Variants in FMNL2 observed in about 807,000 individuals in gnomAD.
The protein encoded by FMNL2 is formin-like protein 2.
Under a neutral mutation model 130.2 loss-of-function variants are expected in FMNL2, and 51 were observed. That is an observed-to-expected ratio of 0.39 (90% CI 0.31 to 0.49). The LOEUF is 0.49. Among genes scored for constraint, FMNL2 ranks in the 20% least tolerant of loss-of-function variants. The pLI, the probability that FMNL2 is intolerant of heterozygous loss-of-function variation, is 0.85. For missense variants in FMNL2, 977 were observed against 1,316.2 expected (o/e 0.74, Z 3.99); for synonymous variants, 465 against 467.1 (o/e 1.00, Z 0.06).
At chr2:152,634,926 C>T (rs2346533) in intron 21 of FMNL2, among the ~76,000 whole-genome samples, 148,308 of 149,522 alleles carry the variant, frequency 0.99, 73,547 homozygotes, top group South Asian at 1. Flanking sequence ...ACCATGACTT[C>T]TTTTTTTTTT....
At chr2:152,525,567 C>G (rs887895657) in intron 2 of FMNL2, among the ~76,000 whole-genome samples, 3 of 152,100 alleles carry the variant, frequency 2.0e-5, no homozygotes, top group Admixed American at 6.5e-5. Context: ...GGGGCAAGGG[C>G]CCAACGGAAG....
chr2:152,384,679 G>A (rs746470809), intron 1 of FMNL2, among the ~76,000 whole-genome samples: 84 of 152,132 alleles, frequency 5.5e-4, no homozygotes, highest in African/African-American at 1.7e-3. Flanking sequence ...CCTTGAGTGC[G>A]CCTTCATCCT....
At chr2:152,509,791 G>T (rs915063627) in intron 1 of FMNL2, among the ~76,000 whole-genome samples, 1 of 117,278 alleles carries the variant, frequency 8.5e-6, no homozygotes, top group African/African-American at 3.2e-5. Context: ...TGTTGCCCAG[G>T]CTGGAGTGCA....
At chr2:152,395,552 T>G (rs1685345825) in intron 1 of FMNL2, among the ~76,000 whole-genome samples, 1 of 152,156 alleles carries the variant, frequency 6.6e-6, no homozygotes, top group South Asian at 2.1e-4. Context: ...AAATTAGATG[T>G]GATGTGATTT....
At chr2:152,638,142 G>A (rs1682776966) in intron 23 of FMNL2, among the ~76,000 whole-genome samples, 1 of 152,190 alleles carries the variant, frequency 6.6e-6, no homozygotes, top group South Asian at 2.1e-4. Flanking sequence ...TGGACTAAAG[G>A]ATGGTGCTTT....
intron 15 of FMNL2, among the ~76,000 whole-genome samples, chr2:152,622,824 TTTTC>T (rs1198756446): frequency 1.3e-4 from 19 of 151,180 alleles, no homozygotes; most frequent in African/African-American, 4.4e-4. Context: ...TTTTTTTTTT[TTTTC>T]TTCTTCTTCT....
At chr2:152,619,933 A>G (rs1699163961) in intron 15 of FMNL2, among the ~76,000 whole-genome samples, 1 of 150,578 alleles carries the variant, frequency 6.6e-6, no homozygotes, top group Admixed American at 6.6e-5. Context: ...ACACCCCACA[A>G]TGGGAGGTTC....
chr2:152,646,703 T>C (rs1683608774), intron 25 of FMNL2, among the ~76,000 whole-genome samples: 1 of 152,216 alleles, frequency 6.6e-6, no homozygotes, highest in South Asian at 2.1e-4. Context: ...TTAATTCTGT[T>C]ATTTGTTTGT....
intron 6 of FMNL2, among the ~76,000 whole-genome samples, chr2:152,574,773 G>A (rs1246739583): frequency 6.6e-6 from 1 of 152,194 alleles, no homozygotes; most frequent in African/African-American, 2.4e-5. Context: ...TTCCATTAAA[G>A]AAATTCAAGA....
chr2:152,568,222 T>TTTTTTTGTTTGTTTTGTTTTTG (rs1695965734), intron 6 of FMNL2, among the ~76,000 whole-genome samples: 1 of 128,172 alleles, frequency 7.8e-6, no homozygotes. Flanking sequence ...TGGTGGGTTT[T>TTTTTTTGTTTGTTTTGTTTTTG]TTTTTTTTTT....
chr2:152,382,974 C>T (rs1309840748), intron 1 of FMNL2, among the ~76,000 whole-genome samples: 6 of 152,146 alleles, frequency 3.9e-5, no homozygotes, highest in East Asian at 1.9e-4. Context: ...GCATTACCCA[C>T]GTGTTTGTAG....
intron 1 of FMNL2, among the ~76,000 whole-genome samples, chr2:152,484,778 A>G (rs1162342279): frequency 6.6e-6 from 1 of 151,990 alleles, no homozygotes; most frequent in African/African-American, 2.4e-5. Flanking sequence ...ATAAAATGAA[A>G]AGAGAGCTAT....
At chr2:152,620,324 G>C (rs991720667) in intron 15 of FMNL2, among the ~76,000 whole-genome samples, 1 of 152,042 alleles carries the variant, frequency 6.6e-6, no homozygotes, top group African/African-American at 2.4e-5. Context: ...ATGTCCTCTT[G>C]CCAACCAGAA....
At chr2:152,614,650 C>T (rs1357810846) in intron 11 of FMNL2, among the ~76,000 whole-genome samples, 2 of 152,020 alleles carry the variant, frequency 1.3e-5, no homozygotes, top group East Asian at 3.9e-4. Flanking sequence ...GGCTGAGACA[C>T]GAGAATCGCT....
rs572149576 is a variant in FMNL2 at position 152,364,561 on chromosome 2, C to T, written c.117+28841C>T. Among the ~76,000 whole-genome samples the T allele has an allele frequency of 2.3e-3, 350 of 152,256 alleles. 1 individual carries two copies. The highest frequency in any genetic ancestry group is 3.7e-3 in the Non-Finnish European group (254 of 68,020). ...AACAAGAGCAAATTTGGCAGAATTT[C>T]TGAAGCGATTCCATGACCAGTATTT... is the stretch of plus-strand genomic sequence containing the variant. On this transcript the variant is annotated intron_variant, in intron 1 of 25. Transcript: ENST00000288670.
chr2:152,585,328 CA>C (rs1321761508), intron 9 of FMNL2, among the ~76,000 whole-genome samples: 1 of 151,950 alleles, frequency 6.6e-6, no homozygotes, highest in East Asian at 1.9e-4. Flanking sequence ...GACATATGAC[CA>C]TCTTACCTAA....
chr2:152,611,480 A>C lies in FMNL2; in HGVS notation c.952-15A>C, dbSNP rs1458579690. The C allele has an allele frequency of 4.6e-6, 7 of 1,524,964 alleles. No homozygotes were observed. Among genetic ancestry groups the C allele is most frequent in the Non-Finnish European group, 6.3e-6 (7 of 1,116,714 alleles). The allele number at this position is 1,524,964 out of a possible 1,614,324, so 94.5% of individuals were successfully genotyped here. A position where few individuals can be genotyped will look rare whatever the true frequency, so the allele number is the denominator to read the frequency against. ...AGTTTGGAGCCCATCTAACCCCTTGACAATTTCATTTCAGGTGGCTTCTAT... is the reference window on the plus strand; with the variant it reads ...AGTTTGGAGCCCATCTAACCCCTTGCCAATTTCATTTCAGGTGGCTTCTAT... On this transcript the variant is annotated splice_polypyrimidine_tract_variant and intron_variant, in intron 10 of 25. Transcript: ENST00000288670.
intron 1 of FMNL2, among the ~76,000 whole-genome samples, chr2:152,520,751 A>G (rs1313108735): frequency 1.3e-5 from 2 of 152,130 alleles, no homozygotes; most frequent in East Asian, 3.9e-4. Flanking sequence ...TATCATAATC[A>G]GTGGTTGATT....
intron 1 of FMNL2, among the ~76,000 whole-genome samples, chr2:152,445,226 C>T (rs994487103): frequency 3.2e-4 from 48 of 152,206 alleles, no homozygotes; most frequent in African/African-American, 1.2e-3. Flanking sequence ...TCTTCTTCTT[C>T]CACTGTCTTC....
Sources: allele counts gnomAD v4.1 joint callset (sites outside exome capture counted in the v4.1 genomes callset), GRCh38; gene constraint gnomAD v4.1.1; transcripts MANE v1.5; gene names NCBI Gene and HGNC (gene_info 2026-07-23, HGNC 2026-07-21).